The following ZFP82 variants were observed in gnomAD, a reference collection of about 807,000 sequenced individuals.
ZFP82 encodes zinc finger protein 82 homolog.
ZFP82 carries 30 observed loss-of-function variants against 54.0 expected under a neutral mutation model. That is an observed-to-expected ratio of 0.56 (90% CI 0.42 to 0.75). The LOEUF (loss-of-function observed/expected upper bound fraction) is 0.75. Ranked by LOEUF, ZFP82 falls within the 30% of genes least tolerant of loss-of-function variation. The pLI, the probability that ZFP82 is intolerant of heterozygous loss-of-function variation, is 0.00. For missense variants in ZFP82, 500 were observed against 636.8 expected, an observed-to-expected ratio of 0.79 and a Z score of 2.31; for synonymous variants, 194 against 209.5, an observed-to-expected ratio of 0.93 and a Z score of 0.64.
intron 3 of ZFP82, among the ~76,000 whole-genome samples, chr19:36,407,504 A>G (rs1487777713): frequency 6.6e-6 from 1 of 152,256 alleles, no homozygotes; most frequent in Non-Finnish European, 1.5e-5. Flanking sequence ...AATCATATGT[A>G]TTATTTTGAT....
At position 36,409,831 on chromosome 19, in the gene ZFP82, ACTTG is replaced by A; in HGVS notation, c.-46_-43del. ...AACTGGTCAGTCCTCCTTGGGGTTT[ACTTG>A]CCAGGAGAAGCACCGAGTCCACAGA... is the stretch of plus-strand genomic sequence containing the variant. On this transcript the variant is annotated 5_prime_UTR_variant, in exon 2 of 5. Transcript: ENST00000392161. 1 of 1,613,240 alleles carries A rather than the reference ACTTG, an allele frequency of 6.2e-7. No individual in the cohort carries two copies.
chr19:36,412,540 T>C (rs1359724890), intron 1 of ZFP82, among the ~76,000 whole-genome samples: 2 of 152,222 alleles, frequency 1.3e-5, no homozygotes, highest in Admixed American at 1.3e-4. Context: ...GTTCTGCCTA[T>C]ATAAACATGG....
intron 1 of ZFP82, among the ~76,000 whole-genome samples, chr19:36,417,879 T>C (rs576822258): frequency 1.3e-5 from 2 of 152,222 alleles, no homozygotes; most frequent in African/African-American, 4.8e-5. Flanking sequence ...GGAGCAAGCC[T>C]GGGCGGGAGC....
intron 4 of ZFP82, among the ~76,000 whole-genome samples, chr19:36,396,501 CA>C (rs1274608855): frequency 6.6e-6 from 1 of 151,880 alleles, no homozygotes. Flanking sequence ...GACACACACA[CA>C]AAAATGAGCT....
chr19:36,388,470 G>GT (rs997019743), downstream of ZFP82, among the ~76,000 whole-genome samples: 317 of 150,104 alleles, frequency 2.1e-3, no homozygotes, highest in Middle Eastern at 0.021. Context: ...TTAGTTCAGG[G>GT]TTTTTTTTTG....
At chr19:36,406,844 T>C (rs1342818808) in intron 3 of ZFP82, among the ~76,000 whole-genome samples, 1 of 152,182 alleles carries the variant, frequency 6.6e-6, no homozygotes, top group Non-Finnish European at 1.5e-5. Context: ...TATATATTTA[T>C]AGGCTACAAT....
In ZFP82 at chr19:36,391,064, G is replaced by A. The variant is rs1187992771; in HGVS notation, c.*1677C>T. On this transcript the variant is annotated 3_prime_UTR_variant, in exon 5 of 5. Coordinates refer to ENST00000392161, the MANE Select transcript of ZFP82 (RefSeq NM_133466.4). ...ATTACAGGCTTGAGCCACCGCGCCT[G>A]GCCTCCTTTGACCTTTTAACCAGTT... 1 of 152,214 alleles carries A rather than the reference G, an allele frequency of 6.6e-6. No homozygotes were observed. Among genetic ancestry groups the A allele is most frequent in the Non-Finnish European group, 1.5e-5 (1 of 68,098 alleles). The allele number at this position is 152,214 out of a possible 1,614,324, so 9.4% of individuals were successfully genotyped here.
At chr19:36,406,325 C>T (rs1056481525) in intron 3 of ZFP82, among the ~76,000 whole-genome samples, 1 of 152,112 alleles carries the variant, frequency 6.6e-6, no homozygotes, top group South Asian at 2.1e-4. Flanking sequence ...CAGAGTTGTG[C>T]AAACGTCACC....
At chr19:36,412,010 G>A (rs1463219808) in intron 1 of ZFP82, among the ~76,000 whole-genome samples, 1 of 152,194 alleles carries the variant, frequency 6.6e-6, no homozygotes, top group South Asian at 2.1e-4. Flanking sequence ...AGTGAGGAGT[G>A]CAGTAACAAA....
Position 36,392,817 on chromosome 19 carries a change from C to T in ZFP82, c.1523G>A (p.Cys508Tyr). 6.2e-7 allele frequency: 1 copy of T among 1,612,768 alleles called. No homozygotes were observed. The highest frequency in any genetic ancestry group is 8.5e-7 in the Non-Finnish European group (1 of 1,179,370). ...RIHSGEKPYE[C>Y]KECKKAFRQH... Reference sequence around the variant, plus strand: ...CCTAAAGGCCTTCTTACATTCCTTACATTCATAGGGTTTCTCACCAGAATG... The same window carrying T: ...CCTAAAGGCCTTCTTACATTCCTTATATTCATAGGGTTTCTCACCAGAATG... Residue 508 changes from cysteine to tyrosine, a missense_variant, in exon 5 of 5, where the codon TGT (cysteine) becomes TAT (tyrosine). Cys to Tyr is a radical substitution (Grantham distance 194). Transcript: ENST00000392161.
At chr19:36,406,864 T>G (rs1279300048) in intron 3 of ZFP82, among the ~76,000 whole-genome samples, 1 of 152,268 alleles carries the variant, frequency 6.6e-6, no homozygotes, top group East Asian at 1.9e-4. Flanking sequence ...TGTGATGTTT[T>G]GATACATGTC....
At chr19:36,388,023 CT>C (rs2032134951), downstream of ZFP82, among the ~76,000 whole-genome samples, 1 of 152,104 alleles carries the variant, frequency 6.6e-6, no homozygotes, top group Non-Finnish European at 1.5e-5. Flanking sequence ...GTCAATGAAA[CT>C]AAGATAAATG....
intron 1 of ZFP82, among the ~76,000 whole-genome samples, chr19:36,410,441 G>GTC (rs752792190): frequency 5.9e-4 from 90 of 151,948 alleles, no homozygotes; most frequent in Non-Finnish European, 1.1e-3. Flanking sequence ...GTATGTGTGT[G>GTC]TGTGTGTGTA....
At chr19:36,412,076 CAG>C (rs373512524) in intron 1 of ZFP82, among the ~76,000 whole-genome samples, 24 of 93,408 alleles carry the variant, frequency 2.6e-4, no homozygotes, top group East Asian at 8.8e-4. Context: ...GTGAGAGAAA[CAG>C]AGAGAGAGAG....
At chr19:36,400,933 T>C (rs926230130) in intron 4 of ZFP82, among the ~76,000 whole-genome samples, 3 of 152,210 alleles carry the variant, frequency 2.0e-5, no homozygotes, top group Non-Finnish European at 1.5e-5. Flanking sequence ...TTGAAAATCT[T>C]TCTTGACAAG....
At position 36,394,024 on chromosome 19, in the gene ZFP82, T is replaced by G; in HGVS notation, c.316A>C (p.Arg106=). 1.9e-6 allele frequency: 3 copies of G among 1,610,794 alleles called. No homozygotes were observed. The highest frequency in any genetic ancestry group is 2.5e-6 in the Non-Finnish European group (3 of 1,179,272). The change falls in exon 5 of 5, where the codon AGA becomes CGA. Residue 106 remains arginine, a synonymous_variant. Coordinates refer to ENST00000392161, the MANE Select transcript of ZFP82 (RefSeq NM_133466.4). ...INLSQWKIME[R]IENHGLKGLI... ...CCCTTAAGGCCATGGTTTTCAATTC[T>G]TTCCATTATCTTCCACTGGGATAAA...
rs191519005 is a variant in ZFP82 at position 36,410,274 on chromosome 19, C to T, written c.-78-407G>A. Among the ~76,000 whole-genome samples, 154 of 152,250 alleles carry T rather than the reference C, an allele frequency of 1.0e-3. 1 individual carries two copies. The highest frequency in any genetic ancestry group is 3.5e-3 in the African/African-American group (145 of 41,548). On this transcript the variant is annotated intron_variant, in intron 1 of 4. Transcript: ENST00000392161. ...GGGCTCATCACTCTCTCTTTCCAGTCAGAATCAGAATCATCCACATTGTTT... is the reference window on the plus strand; with the variant it reads ...GGGCTCATCACTCTCTCTTTCCAGTTAGAATCAGAATCATCCACATTGTTT...
At chr19:36,413,410 CA>C (rs1029261185) in intron 1 of ZFP82, among the ~76,000 whole-genome samples, 1 of 144,648 alleles carries the variant, frequency 6.9e-6, no homozygotes. Context: ...GATTCTGTCT[CA>C]AAAAAAAAAG....
At chr19:36,410,417 T>A (rs1240932089) in intron 1 of ZFP82, among the ~76,000 whole-genome samples, 1 of 146,586 alleles carries the variant, frequency 6.8e-6, no homozygotes, top group Non-Finnish European at 1.5e-5. Flanking sequence ...TCCAGTATGT[T>A]GGGTGTTATA....
Sources: gnomAD v4.1 joint callset for allele counts (sites outside exome capture counted in the v4.1 genomes callset) on GRCh38, gnomAD v4.1.1 for gene constraint, MANE v1.5 for transcripts, NCBI Gene and HGNC (gene_info 2026-07-23, HGNC 2026-07-21) for gene names.